CNTN4: variants seen among roughly 807,000 people sequenced by gnomAD.
CNTN4 encodes contactin 4, also known as contactin-4.
A neutral mutation model predicts 122.5 loss-of-function variants in CNTN4; 77 were observed. The observed-to-expected ratio is 0.63, with a 90% CI of 0.52 to 0.76. The LOEUF is 0.76. Among genes scored for constraint, CNTN4 ranks in the 30% least tolerant of loss-of-function variants. The pLI is 0.00. For synonymous variants in CNTN4, 512 were observed against 447.0 expected (o/e 1.15, Z -1.83); for missense variants, 1,256 against 1,259.1 (o/e 1.00, Z 0.04).
intron 7 of CNTN4, among the ~76,000 whole-genome samples, chr3:2,840,369 C>T (rs2093327409): frequency 6.6e-6 from 1 of 151,958 alleles, no homozygotes; most frequent in Admixed American, 6.6e-5. Flanking sequence ...TTGCCCTTCT[C>T]CTCCTCTTTC....
At chr3:2,605,406 G>A (rs187415295) in intron 4 of CNTN4, among the ~76,000 whole-genome samples, 1 of 152,236 alleles carries the variant, frequency 6.6e-6, no homozygotes, top group East Asian at 1.9e-4. Context: ...TGCAGGGAGA[G>A]CCCTGTAGCA....
chr3:2,585,868 A>G (rs1419173605), intron 4 of CNTN4, among the ~76,000 whole-genome samples: 1 of 149,302 alleles, frequency 6.7e-6, no homozygotes, highest in Non-Finnish European at 1.5e-5. Context: ...AACCCAATAC[A>G]GAGGGGGAGA....
rs556907832 is a variant in CNTN4, at chr3:2,687,721, A to AT, written c.56-48488dup. Among the ~76,000 whole-genome samples, 4 of 152,168 alleles carry AT rather than the reference A, an allele frequency of 2.6e-5. No homozygotes were observed. In the South Asian group the frequency reaches 6.2e-4, roughly 24 times the overall value. On this transcript the variant is annotated intron_variant, in intron 4 of 24. Coordinates refer to ENST00000418658, the MANE Select transcript of CNTN4 (RefSeq NM_175607.3). ...TTCTCTCCTGCTGATCATTCAGTCA[A>AT]TTTTTTGTAATCGAATGGGAATTTA...
At chr3:2,791,198 T>G (rs2091998611) in intron 6 of CNTN4, among the ~76,000 whole-genome samples, 1 of 152,190 alleles carries the variant, frequency 6.6e-6, no homozygotes, top group Non-Finnish European at 1.5e-5. Context: ...GGTGGTATTA[T>G]TGTTATTTTT....
chr3:2,927,495 G>T (rs1447294852), intron 13 of CNTN4: 8 of 302,484 alleles, frequency 2.6e-5, no homozygotes, highest in African/African-American at 4.4e-5. Flanking sequence ...CTGCAACTCA[G>T]CAGGGAAATA....
chr3:2,813,025 A>C (rs2092647858), intron 6 of CNTN4, among the ~76,000 whole-genome samples: 1 of 152,182 alleles, frequency 6.6e-6, no homozygotes, highest in Non-Finnish European at 1.5e-5. Context: ...ACGACTTTGA[A>C]ACTCAGGTTT....
intron 3 of CNTN4, among the ~76,000 whole-genome samples, chr3:2,519,958 A>G (rs2077151963): frequency 6.6e-6 from 1 of 152,104 alleles, no homozygotes. Context: ...GGAGGAACCT[A>G]AGAGAATGAG....
intron 2 of CNTN4, among the ~76,000 whole-genome samples, chr3:2,133,769 A>G (rs2034558810): frequency 1.3e-5 from 2 of 152,106 alleles, no homozygotes; most frequent in South Asian, 4.2e-4. Flanking sequence ...AATTACTTGT[A>G]TGCCTGAGTT....
At chr3:3,054,065 G>A in intron 24 of CNTN4, 90 bp downstream of exon 24, 2 of 1,327,976 alleles carry the variant, frequency 1.5e-6, no homozygotes, top group South Asian at 1.2e-5. Flanking sequence ...CATTCAGCCT[G>A]CAAAAGCAGA....
intron 4 of CNTN4, among the ~76,000 whole-genome samples, chr3:2,642,443 A>G (rs1240000169): frequency 2.6e-5 from 4 of 152,170 alleles, no homozygotes; most frequent in Non-Finnish European, 5.9e-5. Flanking sequence ...TGCATCATTC[A>G]GTCCAGTCAA....
intron 2 of CNTN4, among the ~76,000 whole-genome samples, chr3:2,122,079 CG>C (rs2033831011): frequency 6.6e-6 from 1 of 150,836 alleles, no homozygotes. Flanking sequence ...GGCGGGAACC[CG>C]GGAGGCGGAG....
At chr3:2,557,324 A>T (rs79755831) in intron 3 of CNTN4, among the ~76,000 whole-genome samples, 1 of 152,232 alleles carries the variant, frequency 6.6e-6, no homozygotes, top group Admixed American at 6.5e-5. Context: ...CTCACATCGC[A>T]TTGCAAGGAG....
intron 24 of CNTN4, among the ~76,000 whole-genome samples, chr3:3,054,943 T>C (rs1343735495): frequency 6.6e-6 from 1 of 152,204 alleles, no homozygotes; most frequent in Non-Finnish European, 1.5e-5. Context: ...AGGGGAGCAG[T>C]GAAGGCTGGA....
intron 2 of CNTN4, among the ~76,000 whole-genome samples, chr3:2,272,215 A>G (rs2041326043): frequency 6.6e-6 from 1 of 152,134 alleles, no homozygotes; most frequent in African/African-American, 2.4e-5. Flanking sequence ...TGTAGCTATT[A>G]CAAGCAAAAT....
chr3:2,785,895 G>GCCCCCCCCCCCCCCCCCCCCCCCCC (rs149802098), intron 6 of CNTN4, among the ~76,000 whole-genome samples: 12 of 81,664 alleles, frequency 1.5e-4, no homozygotes, highest in East Asian at 4.3e-4. Context: ...GGCCCACGCT[G>GCCCCCCCCCCCCCCCCCCCCCCCCC]CCCCCCCCCG....
At chr3:2,294,672 T>C (rs2042244302) in intron 2 of CNTN4, among the ~76,000 whole-genome samples, 1 of 152,100 alleles carries the variant, frequency 6.6e-6, no homozygotes, top group African/African-American at 2.4e-5. Flanking sequence ...TCTCTAATTC[T>C]TTCTTTTTTT....
At chr3:2,379,757 A>T (rs1450317704) in intron 3 of CNTN4, among the ~76,000 whole-genome samples, 1 of 152,186 alleles carries the variant, frequency 6.6e-6, no homozygotes, top group Non-Finnish European at 1.5e-5. Flanking sequence ...ACTGTGGGTT[A>T]TAAGAATATC....
chr3:2,311,408 A>G (rs1575342051), intron 2 of CNTN4, among the ~76,000 whole-genome samples: 1 of 152,144 alleles, frequency 6.6e-6, no homozygotes, highest in Admixed American at 6.6e-5. Flanking sequence ...ATCAAACAGA[A>G]TCATACTTGA....
intron 2 of CNTN4, among the ~76,000 whole-genome samples, chr3:2,304,149 T>A (rs530704563): frequency 9.3e-4 from 142 of 152,306 alleles, no homozygotes; most frequent in African/African-American, 3.3e-3. Context: ...TACATTGTAA[T>A]GGGAAGTTAG....
Sources: gnomAD v4.1 joint callset for allele counts (sites outside exome capture counted in the v4.1 genomes callset) on GRCh38, gnomAD v4.1.1 for gene constraint, MANE v1.5 for transcripts, NCBI Gene and HGNC (gene_info 2026-07-23, HGNC 2026-07-21) for gene names.